The following PPFIA1 variants were observed in gnomAD, a reference collection of about 807,000 sequenced individuals.
PPFIA1 encodes the protein liprin-alpha-1.
Under a neutral mutation model 149.9 loss-of-function variants are expected in PPFIA1, and 25 were observed. The ratio of observed to expected loss-of-function variants is 0.17; its 90% CI spans 0.12 to 0.23. The LOEUF is 0.23. Ranked by LOEUF, PPFIA1 falls within the 10% of genes least tolerant of loss-of-function variation. The probability of loss-of-function intolerance (pLI) is 1.00; values close to 1 mark genes in which losing one functional copy is unlikely to be tolerated. For synonymous variants in PPFIA1, 549 were observed against 552.8 expected (o/e 0.99, Z 0.10); for missense variants, 1,362 against 1,506.5 (o/e 0.90, Z 1.59).
intron 24 of PPFIA1, among the ~76,000 whole-genome samples, chr11:70,376,315 C>T (rs374864480): frequency 4.3e-4 from 65 of 151,864 alleles, no homozygotes; most frequent in Middle Eastern, 3.4e-3. Context: ...TTAGTAGAGA[C>T]GGGGTTTTAC....
intron 14 of PPFIA1, among the ~76,000 whole-genome samples, 169 bp downstream of exon 14, chr11:70,339,475 G>A (rs1223614014): frequency 6.6e-6 from 1 of 151,758 alleles, no homozygotes; most frequent in Non-Finnish European, 1.5e-5. Flanking sequence ...TTTTAAAATA[G>A]GGTTTTGTTT....
At chr11:70,334,297 C>G (rs958227143) in intron 10 of PPFIA1, 3 of 152,140 alleles carry the variant, frequency 2.0e-5, no homozygotes, top group African/African-American at 7.2e-5. Context: ...AACTCTTGCA[C>G]CGTCACATCA....
In PPFIA1 at chr11:70,326,838, A is replaced by G. The variant is rs1277741062; in HGVS notation, c.930+20A>G. On this transcript the variant is annotated intron_variant, in intron 7 of 27. Transcript: ENST00000253925. ...CGTGAAGTGAGCAATAACAAAAACT[A>G]CAGTCTTGTCATGAAGTTGTATGTT... The G allele has an allele frequency of 6.3e-7, 1 of 1,587,850 alleles. No individual in the cohort carries two copies. The highest frequency in any genetic ancestry group is 8.6e-7 in the Non-Finnish European group (1 of 1,157,230).
chr11:70,310,395 T>C (rs2053179165), intron 2 of PPFIA1, among the ~76,000 whole-genome samples: 3 of 151,474 alleles, frequency 2.0e-5, no homozygotes, highest in Admixed American at 6.6e-5. Context: ...CTTTTTTTTT[T>C]TTTTTTTTTG....
chr11:70,374,829 G>A (rs1482048875), intron 23 of PPFIA1, 89 bp from the exon 24 acceptor site: 1 of 1,225,550 alleles, frequency 8.2e-7, no homozygotes, highest in African/African-American at 1.5e-5. Context: ...TAGGAACCAT[G>A]GTAGGAATCT....
chr11:70,278,132 A>G (rs1183754181), intron 2 of PPFIA1, among the ~76,000 whole-genome samples: 1 of 151,572 alleles, frequency 6.6e-6, no homozygotes, highest in African/African-American at 2.4e-5. Flanking sequence ...GATGGTCTCT[A>G]TCTGTTGACC....
intron 25 of PPFIA1, among the ~76,000 whole-genome samples, chr11:70,377,809 C>T (rs544064192): frequency 6.6e-6 from 1 of 152,278 alleles, no homozygotes; most frequent in South Asian, 2.1e-4. Flanking sequence ...CAGCACCGAC[C>T]TCATTTCGCC....
At chr11:70,367,587 TG>T (rs757581915) in intron 21 of PPFIA1, 4 of 455,754 alleles carry the variant, frequency 8.8e-6, no homozygotes, top group South Asian at 6.2e-5. Flanking sequence ...TCACCTGGTA[TG>T]TTTTTTTTCC....
intron 2 of PPFIA1, among the ~76,000 whole-genome samples, chr11:70,312,965 A>C (rs2053385525): frequency 2.0e-5 from 3 of 152,236 alleles, no homozygotes; most frequent in Non-Finnish European, 4.4e-5. Flanking sequence ...AGGCCTCTGC[A>C]GGAAATGGCC....
intron 2 of PPFIA1, among the ~76,000 whole-genome samples, chr11:70,288,240 T>G (rs984734705): frequency 6.6e-6 from 1 of 151,976 alleles, no homozygotes; most frequent in African/African-American, 2.4e-5. Flanking sequence ...CCCGGCTAAT[T>G]TTTGCATTTT....
intron 26 of PPFIA1, chr11:70,378,609 T>C (rs1032998996): frequency 1.9e-5 from 6 of 310,086 alleles, no homozygotes; most frequent in African/African-American, 4.6e-5. Flanking sequence ...GAGTACATTT[T>C]TAAGAACACA....
rs2282481 is a variant in PPFIA1, at chr11:70,333,566, C to T, written c.1296+13C>T. 0.36 allele frequency: 572,390 copies of T among 1,600,942 alleles called. 107,290 individuals carry two copies. Among genetic ancestry groups the T allele is most frequent in the African/African-American group, 0.63 (46,873 of 74,684 alleles). The stretch of plus-strand genomic sequence containing the variant: ...AGAACTGCAGCGGGTGAGCATGCAG[C>T]CCTGAGGGTGGGGGCGCTGAGTGGG... On this transcript the variant is annotated intron_variant, in intron 10 of 27. Transcript: ENST00000253925.
chr11:70,343,605 G>T, intron 14 of PPFIA1, 64 bp from the exon 15 acceptor site: 3 of 1,438,042 alleles, frequency 2.1e-6, no homozygotes, highest in Non-Finnish European at 2.9e-6. Flanking sequence ...ATTTCCGATA[G>T]ATTTATGTTT....
At chr11:70,378,476 G>A in intron 26 of PPFIA1, 3 of 1,130,964 alleles carry the variant, frequency 2.7e-6, no homozygotes, top group Non-Finnish European at 3.2e-6. Context: ...GAGAGAGACT[G>A]AGGCATACTT....
intron 2 of PPFIA1, among the ~76,000 whole-genome samples, chr11:70,303,990 C>T (rs1044684228): frequency 5.9e-5 from 9 of 151,370 alleles, no homozygotes; most frequent in South Asian, 4.2e-4. Flanking sequence ...TGGGAGATAG[C>T]GAGACTTCGT....
intron 21 of PPFIA1, chr11:70,365,765 C>T (rs769542107): frequency 8.1e-6 from 3 of 368,966 alleles, no homozygotes; most frequent in Non-Finnish European, 1.6e-5. Context: ...GAGTCTGCTC[C>T]TTGCATGAGA....
At chr11:70,356,873 T>G (rs576284531) in intron 19 of PPFIA1, among the ~76,000 whole-genome samples, 2 of 152,248 alleles carry the variant, frequency 1.3e-5, no homozygotes, top group Non-Finnish European at 2.9e-5. Flanking sequence ...AGCCCGTTTA[T>G]TCAGCTTTAA....
At chr11:70,307,000 T>G (rs2052898397) in intron 2 of PPFIA1, among the ~76,000 whole-genome samples, 1 of 152,132 alleles carries the variant, frequency 6.6e-6, no homozygotes, top group Non-Finnish European at 1.5e-5. Context: ...TGCACCCAGT[T>G]GAGTACATGA....
rs1361559191 is a variant in PPFIA1, at chr11:70,354,348, G to T, written c.2211G>T (p.Lys737Asn). The change falls in exon 17 of 28, where the codon AAG becomes AAT. Residue 737 changes from lysine (K) to asparagine (N), a missense_variant. Physicochemically the swap from Lys to Asn is moderately conservative, Grantham distance 94 (BLOSUM62 0). This residue lies in a region of PPFIA1 where 733 missense variants were observed against 744.1 expected (regional missense o/e 0.99). Coordinates refer to ENST00000253925, the MANE Select transcript of PPFIA1 (RefSeq NM_003626.5). ...TACGAGATGACAAGACAACCATAAA[G>T]TGTGAAACCTCCCCGCCTTCCTCCC... ...EEVRDDKTTIKCETSPPSSPR... is the reference protein window; with the variant it reads ...EEVRDDKTTINCETSPPSSPR... 1.2e-6 allele frequency: 2 copies of T among 1,613,978 alleles called. No individual in the cohort carries two copies. The highest frequency in any genetic ancestry group is 2.7e-5 in the African/African-American group (2 of 74,904).
Sources: gnomAD v4.1 joint callset for allele counts (sites outside exome capture counted in the v4.1 genomes callset) on GRCh38, gnomAD v4.1.1 for gene constraint, gnomAD v4.1.1 regional missense constraint, MANE v1.5 for transcripts, NCBI Gene and HGNC (gene_info 2026-07-23, HGNC 2026-07-21) for gene names.